The following TMEM163 variants were observed in gnomAD, a reference collection of about 807,000 sequenced individuals.
TMEM163 encodes the protein transmembrane protein 163.
Under a neutral mutation model 29.3 loss-of-function variants are expected in TMEM163, and 17 were observed. The observed-to-expected ratio is 0.58, with a 90% CI of 0.40 to 0.87. TMEM163 has a LOEUF of 0.87. Among genes scored for constraint, TMEM163 ranks in the 40% least tolerant of loss-of-function variants. The pLI is 0.00. For missense variants in TMEM163, 303 were observed against 381.5 expected (o/e 0.79, Z 1.71); for synonymous variants, 157 against 160.6 (o/e 0.98, Z 0.17).
chr2:134,548,492 C>T (rs1216432716), intron 4 of TMEM163, among the ~76,000 whole-genome samples: 3 of 152,164 alleles, frequency 2.0e-5, no homozygotes, highest in East Asian at 1.9e-4. Flanking sequence ...TCCTGAAATC[C>T]GAGTATATCT....
intron 2 of TMEM163, among the ~76,000 whole-genome samples, chr2:134,677,354 G>A (rs1288238736): frequency 6.6e-6 from 1 of 152,122 alleles, no homozygotes; most frequent in Non-Finnish European, 1.5e-5. Context: ...ATAAGAGAAA[G>A]ACTACAGAAA....
chr2:134,495,186 C>T (rs1051791415), intron 5 of TMEM163, among the ~76,000 whole-genome samples: 8 of 152,194 alleles, frequency 5.3e-5, no homozygotes, highest in Non-Finnish European at 1.2e-4. Flanking sequence ...AAGTCAATGC[C>T]TGGGAAGGTG....
chr2:134,530,296 CG>C (rs1331104580), intron 4 of TMEM163, among the ~76,000 whole-genome samples: 1 of 152,086 alleles, frequency 6.6e-6, no homozygotes, highest in Non-Finnish European at 1.5e-5. Context: ...CATTGAGACA[CG>C]GTCTCACTCT....
At chr2:134,705,881 A>ATT (rs1369228640) in intron 2 of TMEM163, among the ~76,000 whole-genome samples, 2 of 152,240 alleles carry the variant, frequency 1.3e-5, no homozygotes, top group African/African-American at 2.4e-5. Flanking sequence ...CCCAGGCAAG[A>ATT]AGGGACGAGG....
At chr2:134,523,438 G>A (rs1394929415) in intron 4 of TMEM163, among the ~76,000 whole-genome samples, 1 of 152,160 alleles carries the variant, frequency 6.6e-6, no homozygotes, top group Non-Finnish European at 1.5e-5. Flanking sequence ...GAGATGATTG[G>A]AAATGAGGAT....
chr2:134,511,517 T>G (rs1679949326), intron 4 of TMEM163, among the ~76,000 whole-genome samples: 1 of 152,060 alleles, frequency 6.6e-6, no homozygotes, highest in Admixed American at 6.5e-5. Context: ...AAGAGGGACA[T>G]GGGTGGAAGC....
chr2:134,684,936 A>G (rs952618238), intron 2 of TMEM163, among the ~76,000 whole-genome samples: 14 of 150,112 alleles, frequency 9.3e-5, no homozygotes, highest in Non-Finnish European at 1.5e-4. Context: ...AAAAAAAAAA[A>G]AAAAGAAAAA....
At position 134,661,063 on chromosome 2, in the gene TMEM163, G is replaced by T. The variant is rs60366343; in HGVS notation, c.322+52137C>A. The stretch of plus-strand genomic sequence containing the variant: ...GGATTAGGGTCCTTATTGCAGGAGT[G>T]GGTTCCTTATCAAAGTATGAGTTTG... On this transcript the variant is annotated intron_variant, in intron 2 of 7. Coordinates refer to ENST00000281924, the MANE Select transcript of TMEM163 (RefSeq NM_030923.5). 6.1e-3 allele frequency among the ~76,000 whole-genome samples: 934 copies of T among 152,170 alleles called. 15 individuals carry two copies. The highest frequency in any genetic ancestry group is 0.022 in the African/African-American group (898 of 41,496).
intron 2 of TMEM163, among the ~76,000 whole-genome samples, chr2:134,703,720 A>G (rs957908822): frequency 1.3e-5 from 2 of 152,126 alleles, no homozygotes; most frequent in Non-Finnish European, 2.9e-5. Flanking sequence ...ACAAGTAAAT[A>G]CAGGAACTAA....
chr2:134,712,663 C>T (rs1462518479), intron 2 of TMEM163, among the ~76,000 whole-genome samples: 3 of 152,218 alleles, frequency 2.0e-5, no homozygotes, highest in Non-Finnish European at 4.4e-5. Context: ...AACTGTTCCA[C>T]TTCCTTAGTT....
At chr2:134,478,012 T>A (rs35815072) in intron 5 of TMEM163, among the ~76,000 whole-genome samples, 5,337 of 152,288 alleles carry the variant, frequency 0.035, 156 homozygotes, top group South Asian at 0.13. Flanking sequence ...ATAGTGGGAT[T>A]ATTATCAAGT....
intron 4 of TMEM163, among the ~76,000 whole-genome samples, chr2:134,513,733 C>T (rs1679997752): frequency 6.6e-6 from 1 of 152,190 alleles, no homozygotes; most frequent in Non-Finnish European, 1.5e-5. Flanking sequence ...GCTCCATTCT[C>T]CCTGAGGGGA....
chr2:134,699,738 A>C (rs2104890420), intron 2 of TMEM163, among the ~76,000 whole-genome samples: 1 of 152,206 alleles, frequency 6.6e-6, no homozygotes, highest in African/African-American at 2.4e-5. Context: ...TAATTATGAT[A>C]TGTCTGTTTC....
rs1157920604 is a variant in TMEM163 at position 134,633,962 on chromosome 2, A to AATAC, written c.322+79234_322+79237dup. On this transcript the variant is annotated intron_variant, in intron 2 of 7. Coordinates refer to ENST00000281924, the MANE Select transcript of TMEM163 (RefSeq NM_030923.5). ...AATAGTGAAACTGTCTCAAAAAAAA[A>AATAC]ATACATATATATATATATATATATA... Among the ~76,000 whole-genome samples, 10 of 97,910 alleles carry AATAC rather than the reference A, an allele frequency of 1.0e-4. No individual in the cohort carries two copies. The East Asian group carries it at 1.5e-3, about 14-fold the overall frequency. 64.2% of individuals were successfully genotyped at this position (97,910 alleles called of 152,430 possible).
intron 5 of TMEM163, among the ~76,000 whole-genome samples, chr2:134,484,836 A>T (rs1369169028): frequency 1.3e-5 from 2 of 152,226 alleles, no homozygotes; most frequent in East Asian, 3.8e-4. Context: ...GCTGATAACA[A>T]AAAATCAAGC....
At chr2:134,532,237 C>A (rs1015848033) in intron 4 of TMEM163, among the ~76,000 whole-genome samples, 1 of 152,096 alleles carries the variant, frequency 6.6e-6, no homozygotes, top group Non-Finnish European at 1.5e-5. Flanking sequence ...AAATGCTGGC[C>A]CAGCTATTAA....
chr2:134,617,035 TAA>T (rs1661302221), intron 2 of TMEM163, among the ~76,000 whole-genome samples: 2 of 152,214 alleles, frequency 1.3e-5, no homozygotes, highest in Admixed American at 6.5e-5. Context: ...CGGGCAAAAA[TAA>T]AAGACTGTAT....
At chr2:134,702,149 G>A (rs561872994) in intron 2 of TMEM163, among the ~76,000 whole-genome samples, 60 of 152,188 alleles carry the variant, frequency 3.9e-4, no homozygotes, top group South Asian at 8.3e-4. Flanking sequence ...CTGCCGACAT[G>A]CTCGGAGCTC....
intron 4 of TMEM163, among the ~76,000 whole-genome samples, chr2:134,517,585 G>A (rs1680102735): frequency 6.6e-6 from 1 of 152,094 alleles, no homozygotes; most frequent in South Asian, 2.1e-4. Flanking sequence ...TAGCAATATT[G>A]CTGGATTCAC....
Sources: gnomAD v4.1 joint callset for allele counts (sites outside exome capture counted in the v4.1 genomes callset) on GRCh38, gnomAD v4.1.1 for gene constraint, MANE v1.5 for transcripts, NCBI Gene and HGNC (gene_info 2026-07-23, HGNC 2026-07-21) for gene names.